SDK1: variants seen among roughly 807,000 people sequenced by gnomAD.
SDK1 encodes the protein sidekick cell adhesion molecule 1, also known as protein sidekick-1.
Under a neutral mutation model 245.5 loss-of-function variants are expected in SDK1, and 157 were observed. That is an observed-to-expected ratio of 0.64 (90% CI 0.56 to 0.73). The LOEUF is 0.73. SDK1 is among the 30% of genes least tolerant of loss of function. SDK1 has a pLI of 0.00. For synonymous variants in SDK1, 1,647 were observed against 1,278.5 expected (o/e 1.29, Z -6.15); for missense variants, 3,583 against 3,002.3 (o/e 1.19, Z -4.52).
chr7:3,843,523 T>G (rs1242177500), intron 5 of SDK1, among the ~76,000 whole-genome samples: 1 of 152,270 alleles, frequency 6.6e-6, no homozygotes, highest in Non-Finnish European at 1.5e-5. Context: ...GTGATATTCC[T>G]TCATTAGTTT....
At chr7:3,332,160 G>A (rs970874855) in intron 1 of SDK1, among the ~76,000 whole-genome samples, 1 of 152,164 alleles carries the variant, frequency 6.6e-6, no homozygotes, top group Non-Finnish European at 1.5e-5. Flanking sequence ...GATGTTTGGA[G>A]ATTTAAACTG....
intron 1 of SDK1, among the ~76,000 whole-genome samples, chr7:3,559,662 G>A (rs1023294699): frequency 6.7e-6 from 1 of 150,076 alleles, no homozygotes; most frequent in Non-Finnish European, 1.5e-5. Flanking sequence ...ACTCACCTGT[G>A]TCCATTTGTG....
chr7:3,552,617 A>C (rs1309693567), intron 1 of SDK1, among the ~76,000 whole-genome samples: 1 of 152,120 alleles, frequency 6.6e-6, no homozygotes, highest in South Asian at 2.1e-4. Context: ...TTTGATTCTG[A>C]GCAATGTTTC....
chr7:3,761,486 G>A (rs998459249), intron 4 of SDK1, among the ~76,000 whole-genome samples: 2 of 150,662 alleles, frequency 1.3e-5, no homozygotes, highest in South Asian at 2.1e-4. Context: ...CCCGGGAGGC[G>A]GAGCTTGCAG....
intron 5 of SDK1, among the ~76,000 whole-genome samples, chr7:3,848,519 G>A (rs1286128770): frequency 6.6e-6 from 1 of 152,232 alleles, no homozygotes; most frequent in Admixed American, 6.5e-5. Flanking sequence ...GAAGGAGGAC[G>A]CATGGAAGGT....
intron 1 of SDK1, among the ~76,000 whole-genome samples, chr7:3,519,992 C>T (rs528717646): frequency 6.6e-6 from 1 of 152,196 alleles, no homozygotes; most frequent in East Asian, 1.9e-4. Flanking sequence ...ATATGTTTTT[C>T]TATTTTACAG....
intron 5 of SDK1, 64 bp from the exon 6 acceptor site, chr7:3,950,859 G>C: frequency 7.8e-7 from 1 of 1,289,656 alleles, no homozygotes; most frequent in South Asian, 1.3e-5. Flanking sequence ...TGTCCCCTCA[G>C]ATAACGGCGG....
At chr7:3,405,992 T>C (rs993365860) in intron 1 of SDK1, among the ~76,000 whole-genome samples, 5 of 152,176 alleles carry the variant, frequency 3.3e-5, no homozygotes, top group Admixed American at 3.3e-4. Flanking sequence ...TTTGTATTTT[T>C]AGTGGAGACA....
chr7:3,315,514 A>G (rs1029229667), intron 1 of SDK1, among the ~76,000 whole-genome samples: 1 of 152,128 alleles, frequency 6.6e-6, no homozygotes, highest in Non-Finnish European at 1.5e-5. Context: ...ACGCATGCAC[A>G]TGCAAGTAGA....
At chr7:3,340,348 CAG>C (rs1780313563) in intron 1 of SDK1, among the ~76,000 whole-genome samples, 1 of 152,108 alleles carries the variant, frequency 6.6e-6, no homozygotes, top group Non-Finnish European at 1.5e-5. Context: ...AAAATACACA[CAG>C]TAATTGTTGC....
At chr7:3,856,144 T>G (rs1780540039) in intron 5 of SDK1, among the ~76,000 whole-genome samples, 1 of 152,174 alleles carries the variant, frequency 6.6e-6, no homozygotes, top group Admixed American at 6.5e-5. Flanking sequence ...ACTAATTTTC[T>G]TATCTTGCTC....
intron 1 of SDK1, among the ~76,000 whole-genome samples, chr7:3,468,928 C>G (rs1258221903): frequency 6.6e-6 from 1 of 152,108 alleles, no homozygotes; most frequent in Non-Finnish European, 1.5e-5. Context: ...GTAGGTTTCC[C>G]TTGACTCCTA....
chr7:4,166,953 G>T (rs1781536550), intron 32 of SDK1, among the ~76,000 whole-genome samples: 1 of 152,248 alleles, frequency 6.6e-6, no homozygotes, highest in South Asian at 2.1e-4. Context: ...TTCCCTGCAG[G>T]TCCTGCCTCC....
At chr7:3,592,277 G>A (rs868444253) in intron 1 of SDK1, among the ~76,000 whole-genome samples, 2 of 152,110 alleles carry the variant, frequency 1.3e-5, no homozygotes, top group East Asian at 3.9e-4. Flanking sequence ...AAAAGATTAT[G>A]TGCCATTTAA....
chr7:3,383,589 A>T (rs1781542403), intron 1 of SDK1, among the ~76,000 whole-genome samples: 1 of 152,204 alleles, frequency 6.6e-6, no homozygotes, highest in Admixed American at 6.5e-5. Context: ...TGAGGACCTG[A>T]TCTTAAACTG....
chr7:3,321,641 C>T (rs1779804968), intron 1 of SDK1, among the ~76,000 whole-genome samples: 1 of 151,810 alleles, frequency 6.6e-6, no homozygotes, highest in Non-Finnish European at 1.5e-5. Context: ...TTTTTTTAAA[C>T]CTAATATTTA....
chr7:3,739,632 T>A (rs986099838), intron 4 of SDK1, among the ~76,000 whole-genome samples: 38 of 152,336 alleles, frequency 2.5e-4, no homozygotes, highest in African/African-American at 9.1e-4. Flanking sequence ...TAAAATAATT[T>A]TCATCTTTTA....
chr7:3,514,232 C>T (rs892086779), intron 1 of SDK1, among the ~76,000 whole-genome samples: 2 of 152,200 alleles, frequency 1.3e-5, no homozygotes, highest in African/African-American at 2.4e-5. Context: ...AGGAGATTTA[C>T]AATGGACATT....
At chr7:3,605,590 C>G (rs1257030074) in intron 1 of SDK1, among the ~76,000 whole-genome samples, 1 of 152,092 alleles carries the variant, frequency 6.6e-6, no homozygotes, top group Non-Finnish European at 1.5e-5. Context: ...ATTTTTCTCT[C>G]TTGAATAATA....
Sources: gnomAD v4.1 joint callset for allele counts (sites outside exome capture counted in the v4.1 genomes callset) on GRCh38, gnomAD v4.1.1 for gene constraint, MANE v1.5 for transcripts, NCBI Gene and HGNC (gene_info 2026-07-23, HGNC 2026-07-21) for gene names.